The following LMO1 variants were observed in gnomAD, a reference collection of about 807,000 sequenced individuals.
LMO1 encodes rhombotin-1.
In LMO1, 10 loss-of-function variants were observed where a neutral mutation model predicts 18.0. That is an observed-to-expected ratio of 0.55 (90% CI 0.34 to 0.94). The LOEUF (loss-of-function observed/expected upper bound fraction) is 0.94. Among genes scored for constraint, LMO1 ranks in the 40% least tolerant of loss-of-function variants. The pLI is 0.02. For synonymous variants in LMO1, 77 were observed against 77.9 expected (o/e 0.99, Z 0.06); for missense variants, 183 against 205.7 (o/e 0.89, Z 0.68).
intron 1 of LMO1, among the ~76,000 whole-genome samples, chr11:8,256,516 C>A (rs1847100286): frequency 1.3e-5 from 2 of 152,240 alleles, no homozygotes; most frequent in Admixed American, 6.5e-5. Context: ...TCACACTGGG[C>A]AGCTGCCTCT....
At chr11:8,225,277 G>A (rs1032925821) in intron 3 of LMO1, among the ~76,000 whole-genome samples, 3 of 151,624 alleles carry the variant, frequency 2.0e-5, no homozygotes, top group African/African-American at 4.8e-5. Flanking sequence ...TAGCTGGTGG[G>A]CATCTGTAAT....
intron 1 of LMO1, among the ~76,000 whole-genome samples, chr11:8,239,543 C>T (rs780207846): frequency 2.0e-5 from 3 of 152,066 alleles, no homozygotes; most frequent in Non-Finnish European, 4.4e-5. Context: ...AGATGGCACA[C>T]GTCCTCAGGA....
chr11:8,247,318 G>C (rs932591381), intron 1 of LMO1, among the ~76,000 whole-genome samples: 14 of 152,322 alleles, frequency 9.2e-5, no homozygotes, highest in Non-Finnish European at 2.1e-4. Context: ...CAGGGCCTGT[G>C]AGCCCCACCT....
At chr11:8,258,714 C>T (rs774470659) in intron 1 of LMO1, among the ~76,000 whole-genome samples, 4 of 152,160 alleles carry the variant, frequency 2.6e-5, no homozygotes, top group Non-Finnish European at 4.4e-5. Flanking sequence ...ATCAATTACT[C>T]GGGAGGGATG....
intron 1 of LMO1, among the ~76,000 whole-genome samples, chr11:8,236,426 G>T (rs765307556): frequency 5.3e-5 from 8 of 151,068 alleles, no homozygotes. Flanking sequence ...GGCTGGTCTC[G>T]AACTCCTGGG....
intron 2 of LMO1, among the ~76,000 whole-genome samples, chr11:8,228,330 G>T (rs1952586064): frequency 6.6e-6 from 1 of 152,246 alleles, no homozygotes; most frequent in Admixed American, 6.5e-5. Context: ...CCCCAAGTGA[G>T]GCAAGGAGGC....
intron 2 of LMO1, 148 bp downstream of exon 2, chr11:8,230,143 G>A: frequency 1.4e-6 from 1 of 713,082 alleles, no homozygotes; most frequent in Non-Finnish European, 2.4e-6. Flanking sequence ...AGGTATCTGG[G>A]GCAAGCAGGG....
chr11:8,246,487 G>A (rs1193116430), intron 1 of LMO1, among the ~76,000 whole-genome samples: 1 of 152,164 alleles, frequency 6.6e-6, no homozygotes, highest in Non-Finnish European at 1.5e-5. Context: ...TCCAGAATAG[G>A]CAAAGCTATA....
chr11:8,250,926 C>G (rs1407046971), intron 1 of LMO1, among the ~76,000 whole-genome samples: 2 of 152,234 alleles, frequency 1.3e-5, no homozygotes, highest in Non-Finnish European at 2.9e-5. Context: ...CAGGGGTCCC[C>G]TCTACCTCCT....
chr11:8,254,020 T>C (rs1037428258), intron 1 of LMO1, among the ~76,000 whole-genome samples: 4 of 152,182 alleles, frequency 2.6e-5, no homozygotes, highest in South Asian at 4.1e-4. Flanking sequence ...ATTTCAATAT[T>C]TGAAACCAGC....
intron 2 of LMO1, among the ~76,000 whole-genome samples, chr11:8,228,258 T>C (rs926326142): frequency 6.6e-6 from 1 of 152,246 alleles, no homozygotes; most frequent in Non-Finnish European, 1.5e-5. Context: ...TGGCTGGATG[T>C]CCCAATGGTC....
chr11:8,256,427 G>A (rs879832928), intron 1 of LMO1, among the ~76,000 whole-genome samples: 1 of 152,194 alleles, frequency 6.6e-6, no homozygotes, highest in Non-Finnish European at 1.5e-5. Context: ...CTGTAGACAG[G>A]AGGCCACTCA....
At chr11:8,235,973 G>C (rs1314789808) in intron 1 of LMO1, among the ~76,000 whole-genome samples, 1 of 152,212 alleles carries the variant, frequency 6.6e-6, no homozygotes, top group Non-Finnish European at 1.5e-5. Context: ...GTTCTACTGT[G>C]GTTAAAGTCA....
At chr11:8,244,170 G>A (rs1352851610) in intron 1 of LMO1, among the ~76,000 whole-genome samples, 4 of 149,682 alleles carry the variant, frequency 2.7e-5, no homozygotes, top group African/African-American at 7.6e-5. Flanking sequence ...AAGGAGCACC[G>A]GGAAAGGAGG....
chr11:8,261,722 G>T (rs907836146), intron 1 of LMO1, among the ~76,000 whole-genome samples: 1 of 152,116 alleles, frequency 6.6e-6, no homozygotes, highest in Non-Finnish European at 1.5e-5. Flanking sequence ...TGGGGAGTTC[G>T]TGATGAAAGG....
intron 1 of LMO1, among the ~76,000 whole-genome samples, chr11:8,255,955 AG>A (rs1246339817): frequency 6.6e-6 from 1 of 150,500 alleles, no homozygotes; most frequent in Non-Finnish European, 1.5e-5. Context: ...CCTCCTGAGT[AG>A]CTGGGACTAC....
At chr11:8,260,594 T>C (rs1039948029) in intron 1 of LMO1, among the ~76,000 whole-genome samples, 23 of 149,566 alleles carry the variant, frequency 1.5e-4, no homozygotes, top group African/African-American at 5.6e-4. Flanking sequence ...ATTTTTTTTT[T>C]CTGACGATTC....
intron 1 of LMO1, among the ~76,000 whole-genome samples, chr11:8,251,975 T>G (rs1847007598): frequency 8.9e-6 from 1 of 112,882 alleles, no homozygotes; most frequent in Admixed American, 8.7e-5. Context: ...TGTGGGGGTG[T>G]GCGTGTGTGG....
At chr11:8,241,286 T>A (rs1462042874) in intron 1 of LMO1, among the ~76,000 whole-genome samples, 2 of 152,214 alleles carry the variant, frequency 1.3e-5, no homozygotes, top group African/African-American at 4.8e-5. Flanking sequence ...CCCACCTGCA[T>A]CTTGCATTTC....
Sources: allele counts gnomAD v4.1 joint callset (sites outside exome capture counted in the v4.1 genomes callset), GRCh38; gene constraint gnomAD v4.1.1; transcripts MANE v1.5; gene names NCBI Gene and HGNC (gene_info 2026-07-23, HGNC 2026-07-21).